NPAS3: variants seen among roughly 807,000 people sequenced by gnomAD.
NPAS3 encodes the protein neuronal PAS domain-containing protein 3.
In NPAS3, 14 loss-of-function variants were observed where a neutral mutation model predicts 73.1. The ratio of observed to expected loss-of-function variants is 0.19; its 90% CI spans 0.13 to 0.30. The LOEUF (loss-of-function observed/expected upper bound fraction) is 0.30, where lower values mean the gene tolerates loss of function less well. Ranked by LOEUF, NPAS3 falls within the 10% of genes least tolerant of loss-of-function variation. The probability of loss-of-function intolerance (pLI) is 1.00; values close to 1 mark genes in which losing one functional copy is unlikely to be tolerated. For missense variants in NPAS3, 1,096 were observed against 1,250.0 expected (o/e 0.88, Z 1.86); for synonymous variants, 620 against 541.5 (o/e 1.14, Z -2.01).
chr14:33,150,158 T>C (rs890176162), intron 2 of NPAS3, among the ~76,000 whole-genome samples: 2 of 152,218 alleles, frequency 1.3e-5, no homozygotes, highest in Non-Finnish European at 2.9e-5. Flanking sequence ...GGTGTACATG[T>C]GCCACATCTT....
intron 1 of NPAS3, among the ~76,000 whole-genome samples, chr14:32,964,035 C>G (rs760257529): frequency 1.3e-5 from 2 of 151,308 alleles, no homozygotes; most frequent in Non-Finnish European, 2.9e-5. Context: ...ATGCAAAATC[C>G]AAAGTGATCA....
At chr14:32,937,799 C>A (rs1034087388), upstream of NPAS3, among the ~76,000 whole-genome samples, 4 of 152,192 alleles carry the variant, frequency 2.6e-5, no homozygotes, top group Admixed American at 6.5e-5. Context: ...AGTGGAAATG[C>A]TTTGGGAGTC....
chr14:33,579,650 T>G (rs1424319851), intron 5 of NPAS3, among the ~76,000 whole-genome samples: 1 of 152,178 alleles, frequency 6.6e-6, no homozygotes, highest in Non-Finnish European at 1.5e-5. Flanking sequence ...GGGGTCTTTT[T>G]TTTTTCTTCA....
At chr14:33,527,349 C>T (rs1308249074) in intron 4 of NPAS3, among the ~76,000 whole-genome samples, 1 of 152,140 alleles carries the variant, frequency 6.6e-6, no homozygotes, top group Non-Finnish European at 1.5e-5. Flanking sequence ...GGGTTATTGT[C>T]ATAGGAAGAA....
chr14:32,939,634 A>AG (rs1362481642), intron 1 of NPAS3, among the ~76,000 whole-genome samples: 1 of 149,210 alleles, frequency 6.7e-6, no homozygotes, highest in Non-Finnish European at 1.5e-5. Context: ...AAAAAAAAAA[A>AG]AAAAAAGAAG....
chr14:33,037,131 C>T (rs1205787799), intron 1 of NPAS3, among the ~76,000 whole-genome samples: 2 of 152,006 alleles, frequency 1.3e-5, no homozygotes, highest in Non-Finnish European at 2.9e-5. Context: ...AAACAAAAGC[C>T]AAGAATTAAT....
intron 4 of NPAS3, among the ~76,000 whole-genome samples, chr14:33,453,559 T>C (rs1304934987): frequency 1.3e-5 from 2 of 152,158 alleles, no homozygotes; most frequent in Non-Finnish European, 2.9e-5. Context: ...TGATGATCAG[T>C]CTTTTAGACA....
chr14:32,997,441 G>C (rs552204318), intron 1 of NPAS3, among the ~76,000 whole-genome samples: 2 of 152,238 alleles, frequency 1.3e-5, no homozygotes, highest in African/African-American at 4.8e-5. Context: ...GTTTCGTCCT[G>C]TGTCCCTCAC....
chr14:32,986,407 A>T (rs965499725), intron 1 of NPAS3, among the ~76,000 whole-genome samples: 1 of 152,184 alleles, frequency 6.6e-6, no homozygotes, highest in South Asian at 2.1e-4. Context: ...ATTTTGACAC[A>T]TTCTGAAAGA....
At chr14:33,413,380 G>T (rs1443266058) in intron 4 of NPAS3, among the ~76,000 whole-genome samples, 1 of 151,988 alleles carries the variant, frequency 6.6e-6, no homozygotes, top group Non-Finnish European at 1.5e-5. Context: ...TTGTGTCTGT[G>T]CTGTGACTCT....
intron 3 of NPAS3, among the ~76,000 whole-genome samples, chr14:33,278,761 GT>G (rs2041453847): frequency 6.6e-6 from 1 of 152,090 alleles, no homozygotes. Flanking sequence ...AGCATTCTAA[GT>G]TCAGTGATAT....
intron 6 of NPAS3, among the ~76,000 whole-genome samples, chr14:33,714,362 C>T (rs980575367): frequency 3.9e-5 from 6 of 152,084 alleles, no homozygotes; most frequent in Admixed American, 2.6e-4. Context: ...AAACCTAGAA[C>T]GGTGACTGGA....
chr14:33,639,235 A>G (rs891792800), intron 5 of NPAS3, among the ~76,000 whole-genome samples: 1 of 152,214 alleles, frequency 6.6e-6, no homozygotes, highest in Admixed American at 6.5e-5. Flanking sequence ...CAATGGCTCA[A>G]TAAATCAGCA....
At chr14:32,937,290 TATC>T (rs918998029), upstream of NPAS3, among the ~76,000 whole-genome samples, 1 of 152,152 alleles carries the variant, frequency 6.6e-6, no homozygotes, top group Non-Finnish European at 1.5e-5. Flanking sequence ...AATGGTGACA[TATC>T]ATTTTACCAA....
At chr14:33,758,606 T>C (rs1350649158) in intron 7 of NPAS3, among the ~76,000 whole-genome samples, 1 of 152,246 alleles carries the variant, frequency 6.6e-6, no homozygotes, top group Non-Finnish European at 1.5e-5. Context: ...ATTTACCTCT[T>C]TCCTAGAAAT....
At chr14:33,271,278 C>T (rs1001048707) in intron 3 of NPAS3, among the ~76,000 whole-genome samples, 12 of 152,130 alleles carry the variant, frequency 7.9e-5, no homozygotes, top group African/African-American at 2.7e-4. Context: ...GTCTTAAGTC[C>T]TACAGTCAAA....
intron 2 of NPAS3, among the ~76,000 whole-genome samples, chr14:33,099,821 G>A (rs2042530530): frequency 6.6e-6 from 1 of 152,140 alleles, no homozygotes; most frequent in Non-Finnish European, 1.5e-5. Flanking sequence ...AAATGGGAGA[G>A]AAAGGACTAG....
At chr14:33,569,776 T>C (rs2056125981) in intron 5 of NPAS3, among the ~76,000 whole-genome samples, 1 of 152,220 alleles carries the variant, frequency 6.6e-6, no homozygotes, top group South Asian at 2.1e-4. Flanking sequence ...CTGGCTAAAG[T>C]CCCTAATTGT....
chr14:33,273,038 G>C lies in NPAS3; in HGVS notation c.385+57612G>C, dbSNP rs2041167050. 1.3e-5 allele frequency among the ~76,000 whole-genome samples: 2 copies of C among 152,150 alleles called. 1 individual carries two copies. The highest frequency in any genetic ancestry group is 4.1e-4 in the South Asian group (2 of 4,836). ...CTTTCAATTGCTGTTGCCACCTGTG[G>C]ATCTTTCTGCAGTCCTGGTCCCTGA... On this transcript the variant is annotated intron_variant, in intron 3 of 11. Transcript: ENST00000356141.
Sources: allele counts gnomAD v4.1 joint callset (sites outside exome capture counted in the v4.1 genomes callset), GRCh38; gene constraint gnomAD v4.1.1; transcripts MANE v1.5; gene names NCBI Gene and HGNC (gene_info 2026-07-23, HGNC 2026-07-21).